The following FAM13A variants were observed in gnomAD, a reference collection of about 807,000 sequenced individuals.
FAM13A encodes the protein protein FAM13A.
A neutral mutation model predicts 129.6 loss-of-function variants in FAM13A; 76 were observed. The ratio of observed to expected loss-of-function variants is 0.59; its 90% confidence interval spans 0.49 to 0.71. The LOEUF is 0.71. FAM13A is among the 30% of genes least tolerant of loss of function. FAM13A has a pLI of 0.00. For synonymous variants in FAM13A, 443 were observed against 449.9 expected (o/e 0.98, Z 0.20); for missense variants, 1,108 against 1,249.3 (o/e 0.89, Z 1.70).
At chr4:88,749,632 T>C in intron 16 of FAM13A, 139 bp downstream of exon 16, 1 of 723,578 alleles carries the variant, frequency 1.4e-6, no homozygotes, top group Non-Finnish European at 2.2e-6. Context: ...CAGGGTGTAC[T>C]ATCCAGGGTT....
chr4:88,849,438 C>T (rs1737186598), intron 7 of FAM13A, among the ~76,000 whole-genome samples: 1 of 152,126 alleles, frequency 6.6e-6, no homozygotes, highest in Non-Finnish European at 1.5e-5. Flanking sequence ...TCGAGGTTCT[C>T]CTATTTCGGT....
chr4:89,009,834 G>A (rs1169754747), intron 3 of FAM13A, among the ~76,000 whole-genome samples: 3 of 152,170 alleles, frequency 2.0e-5, no homozygotes. Context: ...CGGTCTGTTG[G>A]TCTTGCAAGG....
chr4:88,807,904 T>C (rs553652159), intron 7 of FAM13A, among the ~76,000 whole-genome samples: 1 of 152,308 alleles, frequency 6.6e-6, no homozygotes, highest in East Asian at 1.9e-4. Context: ...AAATTCTTAA[T>C]TTGGCTATGC....
At chr4:88,739,764 G>T (rs999379269) in intron 19 of FAM13A, among the ~76,000 whole-genome samples, 1 of 134,426 alleles carries the variant, frequency 7.4e-6, no homozygotes, top group African/African-American at 3.0e-5. Context: ...TCCAGCCTGG[G>T]TGACAGAGAA....
chr4:88,858,879 G>A (rs1444448910), intron 6 of FAM13A, among the ~76,000 whole-genome samples: 1 of 152,222 alleles, frequency 6.6e-6, no homozygotes, highest in Admixed American at 6.5e-5. Flanking sequence ...GAGTTTTACA[G>A]TATATAAATT....
chr4:88,930,534 T>G (rs1214144449), intron 5 of FAM13A, among the ~76,000 whole-genome samples: 2 of 152,158 alleles, frequency 1.3e-5, no homozygotes, highest in Non-Finnish European at 2.9e-5. Context: ...TGCTGGGGAC[T>G]TGGACATCAA....
At chr4:89,013,545 T>C (rs527758739) in intron 3 of FAM13A, among the ~76,000 whole-genome samples, 46 of 152,224 alleles carry the variant, frequency 3.0e-4, no homozygotes, top group Admixed American at 7.2e-4. Flanking sequence ...ACTACATATA[T>C]GACTATGGTC....
At chr4:88,862,804 A>G (rs923451318) in intron 6 of FAM13A, among the ~76,000 whole-genome samples, 2 of 152,080 alleles carry the variant, frequency 1.3e-5, no homozygotes, top group African/African-American at 2.4e-5. Flanking sequence ...ATAAACAATA[A>G]TAAAATGTAT....
intron 1 of FAM13A, among the ~76,000 whole-genome samples, chr4:89,030,572 A>G (rs539386222): frequency 1.1e-4 from 17 of 152,298 alleles, no homozygotes; most frequent in Admixed American, 1.0e-3. Flanking sequence ...ATGTGGAAAT[A>G]CTATTAAATG....
At chr4:88,750,037 C>T (rs1245147742) in intron 15 of FAM13A, 128 bp from the exon 16 acceptor site, 1 of 855,520 alleles carries the variant, frequency 1.2e-6, no homozygotes, top group African/African-American at 1.7e-5. Context: ...ACAAAACAGC[C>T]TCTCTCCTCT....
chr4:88,827,030 G>C (rs1270552147), intron 7 of FAM13A, among the ~76,000 whole-genome samples: 2 of 152,058 alleles, frequency 1.3e-5, no homozygotes, highest in African/African-American at 2.4e-5. Flanking sequence ...ATCTATCTCT[G>C]CTGCCTCCAC....
intron 10 of FAM13A, among the ~76,000 whole-genome samples, chr4:88,786,145 T>C (rs567524365): frequency 1.3e-5 from 2 of 152,280 alleles, no homozygotes; most frequent in African/African-American, 4.8e-5. Context: ...TTCCCTGCCC[T>C]GTCTGGCCCC....
chr4:88,969,770 T>A (rs1759827774), intron 4 of FAM13A, among the ~76,000 whole-genome samples: 2 of 152,198 alleles, frequency 1.3e-5, no homozygotes, highest in Admixed American at 1.3e-4. Context: ...ACTTTACTTA[T>A]TACAGAGGAG....
intron 6 of FAM13A, among the ~76,000 whole-genome samples, chr4:88,860,880 A>G (rs1739377166): frequency 1.3e-5 from 2 of 152,218 alleles, no homozygotes; most frequent in African/African-American, 4.8e-5. Context: ...TGACAAGGCC[A>G]TGAGGCATTA....
chr4:88,877,710 AG>A (rs1412402853), intron 6 of FAM13A, among the ~76,000 whole-genome samples: 1 of 152,196 alleles, frequency 6.6e-6, no homozygotes, highest in African/African-American at 2.4e-5. Context: ...AATGAAGAAA[AG>A]TTAACTAAAA....
chr4:88,772,832 G>T (rs940453366), intron 11 of FAM13A, among the ~76,000 whole-genome samples: 1 of 152,158 alleles, frequency 6.6e-6, no homozygotes, highest in South Asian at 2.1e-4. Flanking sequence ...TCAGATGGTT[G>T]TATGGATACT....
chr4:88,888,953 A>G (rs1278365823), intron 6 of FAM13A, among the ~76,000 whole-genome samples: 1 of 151,708 alleles, frequency 6.6e-6, no homozygotes, highest in Admixed American at 6.6e-5. Context: ...AAAAAAAAAA[A>G]AAAATTCCTC....
At chr4:88,973,183 T>C (rs1004059329) in intron 4 of FAM13A, among the ~76,000 whole-genome samples, 2 of 151,636 alleles carry the variant, frequency 1.3e-5, no homozygotes, top group African/African-American at 2.4e-5. Context: ...CTGAGCTTAT[T>C]GGATCTCTGG....
intron 7 of FAM13A, among the ~76,000 whole-genome samples, chr4:88,811,256 C>T (rs1729610278): frequency 6.6e-6 from 1 of 152,070 alleles, no homozygotes; most frequent in Admixed American, 6.6e-5. Context: ...GACAGAATAT[C>T]TCCAAATCTC....
Sources: allele counts gnomAD v4.1 joint callset (sites outside exome capture counted in the v4.1 genomes callset), GRCh38; gene constraint gnomAD v4.1.1; transcripts MANE v1.5; gene names NCBI Gene and HGNC (gene_info 2026-07-23, HGNC 2026-07-21).